IL11: variants seen among roughly 807,000 people sequenced by gnomAD.
IL11 encodes the protein interleukin-11.
A neutral mutation model predicts 18.1 loss-of-function variants in IL11; 17 were observed. The ratio of observed to expected loss-of-function variants is 0.94; its 90% CI spans 0.64 to 1.41. The LOEUF is 1.41. Ranked by LOEUF, IL11 falls within the 40% of genes most tolerant of loss-of-function variation. The pLI, the probability that IL11 is intolerant of heterozygous loss-of-function variation, is 0.00. For missense variants in IL11, 309 were observed against 262.8 expected (o/e 1.18, Z -1.22); for synonymous variants, 144 against 134.1 (o/e 1.07, Z -0.51).
At position 55,368,479 on chromosome 19, in the gene IL11, T is replaced by C. The variant is rs1600285571; in HGVS notation, c.267+4A>G. ...TTGTCCCCAGCCCACTCCCTTGCCC[T>C]TACCTGTAGAGCTCCCAGTGCCCCC... On this transcript the variant is annotated splice_donor_region_variant and intron_variant, in intron 3 of 4. Transcript: ENST00000264563. 1 of 1,607,392 alleles carries C rather than the reference T, an allele frequency of 6.2e-7. No homozygotes were observed. Among genetic ancestry groups the C allele is most frequent in the Non-Finnish European group, 8.5e-7 (1 of 1,176,236 alleles).
At position 55,364,761 on chromosome 19, in the gene IL11, C is replaced by G. The variant is rs1030193056; in HGVS notation, c.*1246G>C. On this transcript the variant is annotated 3_prime_UTR_variant, in exon 5 of 5. Coordinates refer to ENST00000264563, the MANE Select transcript of IL11 (RefSeq NM_000641.4). Reference sequence around the variant, plus strand: ...TCGTCCTCCCAAAGTGCCAGGATTACAGGCGTGAGCCACCATGCCTGGCCA... The same window carrying G: ...TCGTCCTCCCAAAGTGCCAGGATTAGAGGCGTGAGCCACCATGCCTGGCCA... The G allele has an allele frequency of 1.3e-5, 2 of 152,294 alleles. No individual in the cohort carries two copies. The highest frequency in any genetic ancestry group is 2.9e-5 in the Non-Finnish European group (2 of 68,038). 9.4% of individuals were successfully genotyped at this position (152,294 alleles called of 1,614,324 possible).
In IL11 at chr19:55,366,046, C is replaced by G. The variant is rs750371804; in HGVS notation, c.561G>C (p.Trp187Cys). 3.1e-6 allele frequency: 5 copies of G among 1,603,310 alleles called. No individual in the cohort carries two copies. The highest frequency in any genetic ancestry group is 3.4e-6 in the Non-Finnish European group (4 of 1,176,100). The change falls in exon 5 of 5, where the codon TGG (tryptophan) becomes TGC (cysteine). Residue 187 changes from tryptophan to cysteine, a missense_variant. Trp to Cys is a radical substitution (Grantham distance 215, BLOSUM62 -2). Coordinates refer to ENST00000264563, the MANE Select transcript of IL11 (RefSeq NM_000641.4). This position sits in a 1 kb window ranked among gnomAD's most constrained non-coding sequence, Gnocchi z 4.6. The stretch of plus-strand genomic sequence containing the variant: ...TCAGCAGCAGCAGTCCCCTCACGGC[C>G]CAGTCAAGTGTCAGGTGCAGCCCCC... ...ILGGLHLTLD[W>C]AVRGLLLLKT...
intron 4 of IL11, among the ~76,000 whole-genome samples, chr19:55,367,483 G>A (rs1309973440): frequency 7.4e-6 from 1 of 134,798 alleles, no homozygotes; most frequent in East Asian, 2.1e-4. Flanking sequence ...TGAGAGAGAG[G>A]GAGTTTTGCT....
intron 1 of IL11, 107 bp downstream of exon 1, chr19:55,370,197 C>A: frequency 1.2e-6 from 1 of 844,886 alleles, no homozygotes; most frequent in Non-Finnish European, 2.0e-6. Context: ...CTGCCTGTCT[C>A]CGGGTCCCTC....
At position 55,365,725 on chromosome 19, in the gene IL11, C is replaced by T; in HGVS notation, c.*282G>A. ...TGCCCAGGCCTAGATGGGGAAGAGC[C>T]AGGGCAGAAGTCTGTGGACAGACTT... On this transcript the variant is annotated 3_prime_UTR_variant, in exon 5 of 5. Transcript: ENST00000264563. The T allele has an allele frequency of 2.2e-6, 1 of 459,466 alleles. No individual in the cohort carries two copies. The highest frequency in any genetic ancestry group is 4.4e-5 in the East Asian group (1 of 22,724). The allele number at this position is 459,466 out of a possible 1,614,324, so 28.5% of individuals were successfully genotyped here.
At position 55,369,834 on chromosome 19, in the gene IL11, C is replaced by G. The variant is rs1322074688; in HGVS notation, c.7+470G>C. ...TGCCCGGCTCTCCCCGCTTTCCCCC[C>G]GCGCCCAGTCTCTCTCCTCCCCCCG... On this transcript the variant is annotated intron_variant, in intron 1 of 4. Transcript: ENST00000264563. The surrounding 1 kb of genome is among the most constrained non-coding windows in gnomAD (Gnocchi z 6.1). Among the ~76,000 whole-genome samples, 1 of 151,986 alleles carries G rather than the reference C, an allele frequency of 6.6e-6. No homozygotes were observed.
intron 4 of IL11, 113 bp downstream of exon 4, chr19:55,368,097 G>A (rs2089796713): frequency 1.1e-6 from 1 of 908,410 alleles, no homozygotes; most frequent in Non-Finnish European, 1.6e-6. Flanking sequence ...CAGGGTCTCA[G>A]AGCGGGGCTG....
rs906718792 is a variant in IL11 at position 55,365,211 on chromosome 19, A to G, written c.*796T>C. On this transcript the variant is annotated 3_prime_UTR_variant, in exon 5 of 5. Transcript: ENST00000264563. ...AAAAGAAATAAATAATTAGCTGGGCATGGTGGTGCACACCTGTGATCCCAG... is the reference window on the plus strand; with the variant it reads ...AAAAGAAATAAATAATTAGCTGGGCGTGGTGGTGCACACCTGTGATCCCAG... 6.6e-6 allele frequency: 1 copy of G among 152,114 alleles called. No individual in the cohort carries two copies. Among genetic ancestry groups the G allele is most frequent in the Admixed American group, 6.6e-5 (1 of 15,260 alleles). The allele number at this position is 152,114 out of a possible 1,614,324, so 9.4% of individuals were successfully genotyped here. A position where few individuals can be genotyped will look rare whatever the true frequency, so the allele number is the denominator to read the frequency against.
intron 4 of IL11, among the ~76,000 whole-genome samples, chr19:55,367,988 G>A (rs2089795929): frequency 6.6e-6 from 1 of 152,026 alleles, no homozygotes; most frequent in South Asian, 2.1e-4. Flanking sequence ...CAGGATCTTG[G>A]GACTGCAGGG....
chr19:55,366,128 G>T lies in IL11; in HGVS notation c.479C>A (p.Pro160Gln), dbSNP rs772320861. 6 of 1,532,480 alleles carry T rather than the reference G, an allele frequency of 3.9e-6. No homozygotes were observed. Among genetic ancestry groups the T allele is most frequent in the African/African-American group, 2.8e-5 (2 of 72,028 alleles). The allele number at this position is 1,532,480 out of a possible 1,614,324, so 94.9% of individuals were successfully genotyped here. A position where few individuals can be genotyped will look rare whatever the true frequency, so the allele number is the denominator to read the frequency against. Reference sequence around the variant, plus strand: ...CCAGGCTGAGGAGGGGGGCGCCAGCGGGGGCGCCGGCGGGTCCGGGGGTGG... The same window carrying T: ...CCAGGCTGAGGAGGGGGGCGCCAGCTGGGGCGCCGGCGGGTCCGGGGGTGG... ...PQPPPDPPAP[P>Q]LAPPSSAWGG... is the part of the protein sequence containing the mutation. The change falls in exon 5 of 5, where the codon CCG (proline) becomes CAG (glutamine). Residue 160 changes from proline (P) to glutamine (Q), a missense_variant. By Grantham distance (76) the Pro-to-Gln change is moderately conservative. Transcript: ENST00000264563. The surrounding 1 kb of genome is among the most constrained non-coding windows in gnomAD (Gnocchi z 4.6).
Position 55,366,024 on chromosome 19 carries a change from G to A in IL11, c.583C>T (p.Leu195=), listed in dbSNP as rs754213081. Residue 195 remains leucine (L), a synonymous_variant, in exon 5 of 5, where the codon CTG becomes TTG. Coordinates refer to ENST00000264563, the MANE Select transcript of IL11 (RefSeq NM_000641.4). The surrounding 1 kb of genome is among the most constrained non-coding windows in gnomAD (Gnocchi z 4.6). ...GCCCCGGGTCACAGCCGAGTCTTCAGCAGCAGCAGTCCCCTCACGGCCCAG... is the reference window on the plus strand; with the variant it reads ...GCCCCGGGTCACAGCCGAGTCTTCAACAGCAGCAGTCCCCTCACGGCCCAG... ...LDWAVRGLLL[L]KTRL The A allele has an allele frequency of 3.1e-6, 5 of 1,603,824 alleles. No individual in the cohort carries two copies. Among genetic ancestry groups the A allele is most frequent in the South Asian group, 1.1e-5 (1 of 89,126 alleles).
At position 55,370,304 on chromosome 19, in the gene IL11, A is replaced by G; in HGVS notation, c.7T>C (p.Cys3Arg). The G allele has an allele frequency of 1.4e-6, 2 of 1,478,112 alleles. No homozygotes were observed. Among genetic ancestry groups the G allele is most frequent in the Non-Finnish European group, 1.8e-6 (2 of 1,105,006 alleles). The allele number at this position is 1,478,112 out of a possible 1,614,324, so 91.6% of individuals were successfully genotyped here. Residue 3 changes from cysteine to arginine, a missense_variant and splice_region_variant, in exon 1 of 5, where the codon TGT (cysteine) becomes CGT (arginine). Cys to Arg is a radical substitution (Grantham distance 180). Coordinates refer to ENST00000264563, the MANE Select transcript of IL11 (RefSeq NM_000641.4). ...CCACCCTCCCCATGAACCAACTTAC[A>G]GTTCATGTCCCCACAGGGCCAGGGG... MN[C>R]VCRLVLVVLS...
intron 3 of IL11, 55 bp downstream of exon 3, chr19:55,368,428 G>C (rs890415810): frequency 6.3e-7 from 1 of 1,576,286 alleles, no homozygotes; most frequent in Non-Finnish European, 8.7e-7. Context: ...CATCCTCCCC[G>C]CCCCCTTCAC....
rs990521067 is a variant in IL11, at chr19:55,366,315, C to A, written c.430-138G>T. The A allele has an allele frequency of 1.1e-6, 1 of 881,006 alleles. No homozygotes were observed. Among genetic ancestry groups the A allele is most frequent in the Non-Finnish European group, 1.6e-6 (1 of 613,438 alleles). 54.6% of individuals were successfully genotyped at this position (881,006 alleles called of 1,614,324 possible). A position where few individuals can be genotyped will look rare whatever the true frequency, so the allele number is the denominator to read the frequency against. Reference sequence around the variant, plus strand: ...GGCGCGTGGGGTGAAGTGTTTAGGCCGGGAGCTCTTCAGGCTGTGGGGTTC... The same window carrying A: ...GGCGCGTGGGGTGAAGTGTTTAGGCAGGGAGCTCTTCAGGCTGTGGGGTTC... On this transcript the variant is annotated intron_variant, in intron 4 of 4. Coordinates refer to ENST00000264563, the MANE Select transcript of IL11 (RefSeq NM_000641.4). This position sits in a 1 kb window ranked among gnomAD's most constrained non-coding sequence, Gnocchi z 4.6.
Position 55,366,267 on chromosome 19 carries a change from C to T in IL11, c.430-90G>A, listed in dbSNP as rs1276678548. On this transcript the variant is annotated intron_variant, in intron 4 of 4. Transcript: ENST00000264563. This position sits in a 1 kb window ranked among gnomAD's most constrained non-coding sequence, Gnocchi z 4.6. ...CTGTGGAGCTGCAGCTGAATCGGGG[C>T]TGCATATTCACAGGGGGACTGTGGC... is the stretch of plus-strand genomic sequence containing the variant. 47 of 1,375,086 alleles carry T rather than the reference C, an allele frequency of 3.4e-5. 1 individual carries two copies. The highest frequency in any genetic ancestry group is 6.7e-6 in the Non-Finnish European group (7 of 1,048,650). 85.2% of individuals were successfully genotyped at this position (1,375,086 alleles called of 1,614,324 possible).
rs2089784986 is a variant in IL11 at position 55,366,182 on chromosome 19, G to T, written c.430-5C>A. On this transcript the variant is annotated splice_region_variant and splice_polypyrimidine_tract_variant and intron_variant, in intron 4 of 4. Transcript: ENST00000264563. This position sits in a 1 kb window ranked among gnomAD's most constrained non-coding sequence, Gnocchi z 4.6. ...GGGCAGGGCCAGGCGGGACATCTGT[G>T]GGGAGAGGAGAGAGGTGAGTCACAG... is the stretch of plus-strand genomic sequence containing the variant. 2.0e-6 allele frequency: 3 copies of T among 1,480,688 alleles called. No homozygotes were observed. The highest frequency in any genetic ancestry group is 1.4e-5 in the African/African-American group (1 of 69,938). 91.7% of individuals were successfully genotyped at this position (1,480,688 alleles called of 1,614,324 possible). A position where few individuals can be genotyped will look rare whatever the true frequency, so the allele number is the denominator to read the frequency against.
At position 55,366,084 on chromosome 19, in the gene IL11, G is replaced by A; in HGVS notation, c.523C>T (p.His175Tyr). 6.3e-7 allele frequency: 1 copy of A among 1,587,820 alleles called. No homozygotes were observed. Among genetic ancestry groups the A allele is most frequent in the South Asian group, 1.1e-5 (1 of 87,256 alleles). ...AGGTGCAGCCCCCCCAGGATGGCGT[G>A]GGCGGCCCTGATGCCCCCCCAGGCT... ...SSAWGGIRAA[H>Y]AILGGLHLTL... Residue 175 changes from histidine to tyrosine, a missense_variant, in exon 5 of 5, where the codon CAC becomes TAC. Transcript: ENST00000264563. This position sits in a 1 kb window ranked among gnomAD's most constrained non-coding sequence, Gnocchi z 4.6.
chr19:55,366,147 G>C lies in IL11; in HGVS notation c.460C>G (p.Pro154Ala), dbSNP rs1266778460. ...MSRLALPQPP[P>A]DPPAPPLAPP... ...GCCAGCGGGGGCGCCGGCGGGTCCG[G>C]GGGTGGCTGGGGCAGGGCCAGGCGG... Residue 154 changes from proline to alanine, a missense_variant, in exon 5 of 5, where the codon CCG (proline) becomes GCG (alanine). Pro to Ala is a conservative substitution (Grantham distance 27). Coordinates refer to ENST00000264563, the MANE Select transcript of IL11 (RefSeq NM_000641.4). This position sits in a 1 kb window ranked among gnomAD's most constrained non-coding sequence, Gnocchi z 4.6. The C allele has an allele frequency of 1.3e-6, 2 of 1,504,600 alleles. No individual in the cohort carries two copies. Among genetic ancestry groups the C allele is most frequent in the Non-Finnish European group, 1.8e-6 (2 of 1,119,892 alleles). 93.2% of individuals were successfully genotyped at this position (1,504,600 alleles called of 1,614,324 possible). A position where few individuals can be genotyped will look rare whatever the true frequency, so the allele number is the denominator to read the frequency against.
rs542861209 is a variant in IL11, at chr19:55,366,239, G to A, written c.430-62C>T. On this transcript the variant is annotated intron_variant, in intron 4 of 4. Transcript: ENST00000264563. The surrounding 1 kb of genome is among the most constrained non-coding windows in gnomAD (Gnocchi z 4.6). ...GGTGCAGCGGGGGTGCAGGGCAGGG[G>A]TGCTGTGGAGCTGCAGCTGAATCGG... 290 of 1,424,812 alleles carry A rather than the reference G, an allele frequency of 2.0e-4. No individual in the cohort carries two copies. Among genetic ancestry groups the A allele is most frequent in the Middle Eastern group, 2.6e-4 (1 of 3,828 alleles). The allele number at this position is 1,424,812 out of a possible 1,614,324, so 88.3% of individuals were successfully genotyped here. A position where few individuals can be genotyped will look rare whatever the true frequency, so the allele number is the denominator to read the frequency against.
Sources: gnomAD v4.1 joint callset for allele counts (sites outside exome capture counted in the v4.1 genomes callset) on GRCh38, gnomAD v4.1.1 for gene constraint, Gnocchi (gnomAD v3.1) non-coding constraint, MANE v1.5 for transcripts, NCBI Gene and HGNC (gene_info 2026-07-23, HGNC 2026-07-21) for gene names.